Variants in PAK5 observed in about 807,000 individuals in gnomAD.
The protein encoded by PAK5 is p21 (RAC1) activated kinase 5.
Under a neutral mutation model 65.9 loss-of-function variants are expected in PAK5, and 16 were observed. That is an observed-to-expected ratio of 0.24 (90% confidence interval 0.16 to 0.37). The LOEUF (loss-of-function observed/expected upper bound fraction) is 0.37, where lower values mean the gene tolerates loss of function less well. Ranked by LOEUF, PAK5 falls within the 10% of genes least tolerant of loss-of-function variation. The probability of loss-of-function intolerance (pLI) is 1.00; values close to 1 mark genes in which losing one functional copy is unlikely to be tolerated. For missense variants in PAK5, 785 were observed against 903.9 expected (o/e 0.87, Z 1.69); for synonymous variants, 371 against 354.9 (o/e 1.05, Z -0.51).
chr20:9,810,397 AC>A (rs542682499), intron 1 of PAK5, among the ~76,000 whole-genome samples: 464 of 152,036 alleles, frequency 3.1e-3, no homozygotes, highest in African/African-American at 0.011. Flanking sequence ...ACAAAGTGAG[AC>A]CCTGCCTCTG....
intron 1 of PAK5, among the ~76,000 whole-genome samples, chr20:9,734,588 CGGGGTG>C (rs143194536): frequency 0.27 from 31,522 of 118,008 alleles, 3,454 homozygotes; most frequent in East Asian, 0.42. Context: ...ACACAGGCCA[CGGGGTG>C]GGAGTCAGAG....
In PAK5 at chr20:9,597,549, G is replaced by A. The variant is rs115290786; in HGVS notation, c.205-16619C>T. ...ACTCGAGTAGGTTGATGCAAAAGTG[G>A]TTCCAATTCTCCTCTTCTGTCTGTA... On this transcript the variant is annotated intron_variant, in intron 3 of 9. Transcript: ENST00000353224. 4.6e-3 allele frequency among the ~76,000 whole-genome samples: 696 copies of A among 152,278 alleles called. 12 individuals carry two copies. Among genetic ancestry groups the A allele is most frequent in the African/African-American group, 0.016 (667 of 41,540 alleles).
chr20:9,732,170 C>T (rs2048341297), intron 1 of PAK5, among the ~76,000 whole-genome samples: 1 of 146,532 alleles, frequency 6.8e-6, no homozygotes, highest in Non-Finnish European at 1.5e-5. Flanking sequence ...ATGGAAAAAA[C>T]TCACTCTTCT....
At chr20:9,611,321 C>T (rs555094536) in intron 3 of PAK5, among the ~76,000 whole-genome samples, 1 of 152,214 alleles carries the variant, frequency 6.6e-6, no homozygotes, top group Admixed American at 6.5e-5. Context: ...AACATAAAGT[C>T]CTGTTGTGAA....
At chr20:9,667,261 G>A (rs911259158) in intron 2 of PAK5, among the ~76,000 whole-genome samples, 2 of 152,066 alleles carry the variant, frequency 1.3e-5, no homozygotes, top group Non-Finnish European at 2.9e-5. Context: ...TGGGTGACAA[G>A]AGCAGAACTC....
chr20:9,803,182 G>C (rs969273143), intron 1 of PAK5, among the ~76,000 whole-genome samples: 1 of 151,922 alleles, frequency 6.6e-6, no homozygotes, highest in Admixed American at 6.6e-5. Flanking sequence ...AACACGGCTA[G>C]TGTTATGAAA....
At position 9,538,216 on chromosome 20, in the gene PAK5, C is replaced by T. The variant is rs890584562; in HGVS notation, c.*1246G>A. 3 of 233,456 alleles carry T rather than the reference C, an allele frequency of 1.3e-5. No homozygotes were observed. The highest frequency in any genetic ancestry group is 6.0e-5 in the East Asian group (1 of 16,564). 14.5% of individuals were successfully genotyped at this position (233,456 alleles called of 1,614,324 possible). A position where few individuals can be genotyped will look rare whatever the true frequency, so the allele number is the denominator to read the frequency against. On this transcript the variant is annotated 3_prime_UTR_variant, in exon 10 of 10. Transcript: ENST00000353224. Reference sequence around the variant, plus strand: ...ATTCAAGAAGATCTAGACAGCAGCACGACTCTCCTATGTCGGAAACACATT... The same window carrying T: ...ATTCAAGAAGATCTAGACAGCAGCATGACTCTCCTATGTCGGAAACACATT...
At chr20:9,602,061 G>C (rs1299953060) in intron 3 of PAK5, among the ~76,000 whole-genome samples, 2 of 152,110 alleles carry the variant, frequency 1.3e-5, no homozygotes, top group East Asian at 3.9e-4. Context: ...GGGAGGCCGA[G>C]GCGGGAGGAT....
intron 3 of PAK5, among the ~76,000 whole-genome samples, chr20:9,604,058 C>T (rs1568992856): frequency 6.6e-6 from 1 of 152,174 alleles, no homozygotes; most frequent in Non-Finnish European, 1.5e-5. Context: ...GGTAAACACA[C>T]CTGATAGCAA....
intron 1 of PAK5, among the ~76,000 whole-genome samples, chr20:9,775,710 C>T (rs1418408879): frequency 1.3e-5 from 2 of 152,108 alleles, no homozygotes; most frequent in Non-Finnish European, 2.9e-5. Context: ...AAATCTTGAA[C>T]AAGTATGTAT....
chr20:9,558,034 T>TCA (rs1399749876), intron 6 of PAK5, among the ~76,000 whole-genome samples: 9 of 144,280 alleles, frequency 6.2e-5, no homozygotes, highest in African/African-American at 1.9e-4. Flanking sequence ...ATTTATTTAT[T>TCA]TATTTATTTA....
At chr20:9,705,511 T>A (rs939131211) in intron 2 of PAK5, among the ~76,000 whole-genome samples, 1 of 152,166 alleles carries the variant, frequency 6.6e-6, no homozygotes, top group Admixed American at 6.5e-5. Context: ...GAGGTTAATA[T>A]GTATTATGTT....
At chr20:9,660,224 C>T (rs920843609) in intron 2 of PAK5, among the ~76,000 whole-genome samples, 3 of 151,964 alleles carry the variant, frequency 2.0e-5, no homozygotes, top group Middle Eastern at 3.4e-3. Flanking sequence ...CAGAATTATA[C>T]GGCAAAACAG....
chr20:9,564,538 G>A (rs1363552982), intron 5 of PAK5, among the ~76,000 whole-genome samples: 3 of 152,176 alleles, frequency 2.0e-5, no homozygotes, highest in African/African-American at 7.2e-5. Context: ...GATGAACAGA[G>A]ATAACATGAC....
At chr20:9,615,697 T>A (rs79413152) in intron 3 of PAK5, among the ~76,000 whole-genome samples, 4,772 of 152,256 alleles carry the variant, frequency 0.031, 98 homozygotes, top group Non-Finnish European at 0.045. Flanking sequence ...TTTTGCATAA[T>A]CGTGTGGGTC....
intron 1 of PAK5, among the ~76,000 whole-genome samples, chr20:9,815,378 G>A (rs2049344607): frequency 6.6e-6 from 1 of 152,156 alleles, no homozygotes; most frequent in Non-Finnish European, 1.5e-5. Flanking sequence ...CATGTGTGTA[G>A]TCCTTGGAGT....
At chr20:9,727,640 C>T (rs547265169) in intron 1 of PAK5, among the ~76,000 whole-genome samples, 3 of 111,024 alleles carry the variant, frequency 2.7e-5, no homozygotes, top group East Asian at 3.8e-4. Context: ...GTCCCTTCTC[C>T]CCCATTTATT....
intron 3 of PAK5, among the ~76,000 whole-genome samples, chr20:9,632,157 T>C (rs538174785): frequency 3.0e-4 from 46 of 152,192 alleles, no homozygotes; most frequent in Non-Finnish European, 6.5e-4. Context: ...GAAAAGAAGA[T>C]GTCCCCTAGA....
chr20:9,590,311 A>C (rs1013775438), intron 3 of PAK5, among the ~76,000 whole-genome samples: 1 of 152,182 alleles, frequency 6.6e-6, no homozygotes, highest in Non-Finnish European at 1.5e-5. Context: ...GTAAAATTAA[A>C]TACGTGGCTT....
Sources: gnomAD v4.1 joint callset for allele counts (sites outside exome capture counted in the v4.1 genomes callset) on GRCh38, gnomAD v4.1.1 for gene constraint, MANE v1.5 for transcripts, NCBI Gene and HGNC (gene_info 2026-07-23, HGNC 2026-07-21) for gene names.